The following CHM variants were observed in gnomAD, a reference collection of about 807,000 sequenced individuals.
CHM encodes the protein CHM Rab escort protein.
CHM carries 10 observed loss-of-function variants against 49.0 expected under a neutral mutation model. The ratio of observed to expected loss-of-function variants is 0.20; its 90% CI spans 0.13 to 0.35. The LOEUF (loss-of-function observed/expected upper bound fraction) is 0.35. Ranked by LOEUF, CHM falls within the 10% of genes least tolerant of loss-of-function variation. The pLI is 1.00. For missense variants in CHM, 455 were observed against 478.4 expected (o/e 0.95, Z 0.46); for synonymous variants, 184 against 167.5 (o/e 1.10, Z -0.76).
intron 2 of CHM, among the ~76,000 whole-genome samples, chrX:86,003,059 T>C (rs1324620541): frequency 1.8e-5 from 2 of 111,697 alleles, no homozygotes; most frequent in Non-Finnish European, 3.8e-5. Flanking sequence ...GGCAGCAATA[T>C]TTGTTGTTCT....
At chrX:86,016,104 G>C (rs1933288823) in intron 2 of CHM, among the ~76,000 whole-genome samples, 1 of 111,092 alleles carries the variant, frequency 9.0e-6, no homozygotes, top group African/African-American at 3.3e-5. Context: ...CTGCACTCTG[G>C]CCTAGGAGAC....
intron 11 of CHM, among the ~76,000 whole-genome samples, chrX:85,898,061 G>A (rs1926020171): frequency 9.0e-6 from 1 of 110,813 alleles, no homozygotes; most frequent in Non-Finnish European, 1.9e-5. Flanking sequence ...TGAAAGAGCT[G>A]GAAGGATAGG....
In CHM at chrX:86,009,186, C is replaced by T. The variant is rs780749231; in HGVS notation, c.116+18305G>A. Among the ~76,000 whole-genome samples, 41 of 112,031 alleles carry T rather than the reference C, an allele frequency of 3.7e-4. 1 individual carries two copies. Among genetic ancestry groups the T allele is most frequent in the Non-Finnish European group, 3.2e-4 (17 of 53,185 alleles). Reference sequence around the variant, plus strand: ...ATGATGCCAGGATATGTGCTAACTGCTGTTGTTCTAGATGTGATGGTGAAT... The same window carrying T: ...ATGATGCCAGGATATGTGCTAACTGTTGTTGTTCTAGATGTGATGGTGAAT... On this transcript the variant is annotated intron_variant, in intron 2 of 14. Coordinates refer to ENST00000357749, the MANE Select transcript of CHM (RefSeq NM_000390.4).
At position 85,951,900 on chromosome X, in the gene CHM, T is replaced by C. The variant is rs774368914; in HGVS notation, c.1166+4253A>G. Among the ~76,000 whole-genome samples the C allele has an allele frequency of 3.6e-5, 4 of 112,061 alleles. No homozygotes were observed. In the South Asian group the frequency reaches 1.1e-3, roughly 31 times the overall value. On this transcript the variant is annotated intron_variant, in intron 8 of 14. Coordinates refer to ENST00000357749, the MANE Select transcript of CHM (RefSeq NM_000390.4). ...CACATGGTGTGGAAAGAGAAATCTA[T>C]GCATTTGAGGGAGTGAGAGCATAGC...
chrX:85,961,418 CAAAAAAAA>C (rs1204463688), intron 5 of CHM, among the ~76,000 whole-genome samples: 3 of 24,360 alleles, frequency 1.2e-4, no homozygotes, highest in African/African-American at 4.3e-4. Flanking sequence ...GACTCTGTCT[CAAAAAAAA>C]AAAAAAAAAA....
intron 13 of CHM, among the ~76,000 whole-genome samples, chrX:85,877,255 A>G (rs1256625504): frequency 8.9e-6 from 1 of 111,968 alleles, no homozygotes; most frequent in Non-Finnish European, 1.9e-5. Flanking sequence ...CAAATACTTC[A>G]TTTGGGTAGC....
intron 2 of CHM, among the ~76,000 whole-genome samples, chrX:85,993,964 G>T (rs1932326920): frequency 1.8e-5 from 2 of 112,001 alleles, no homozygotes; most frequent in Non-Finnish European, 3.8e-5. Flanking sequence ...TTGTCATGCT[G>T]TCTTATAATC....
intron 2 of CHM, among the ~76,000 whole-genome samples, chrX:85,998,997 T>C (rs1255183034): frequency 9.0e-6 from 1 of 111,326 alleles, no homozygotes; most frequent in Non-Finnish European, 1.9e-5. Flanking sequence ...AAAAGGTTTT[T>C]TTCAAACCAA....
chrX:85,864,306 T>C lies in CHM; in HGVS notation c.*324A>G. 1 of 198,690 alleles carries C rather than the reference T, an allele frequency of 5.0e-6. No individual in the cohort carries two copies. The highest frequency in any genetic ancestry group is 1.1e-4 in the East Asian group (1 of 9,141). 16.4% of individuals were successfully genotyped at this position (198,690 alleles called of 1,213,427 possible). A position where few individuals can be genotyped will look rare whatever the true frequency, so the allele number is the denominator to read the frequency against. ...CAAAGATCCAAAGTGGTAAGCAAAA[T>C]TGTCCTAAGACCATGGAATTATTAA... On this transcript the variant is annotated 3_prime_UTR_variant, in exon 15 of 15. Coordinates refer to ENST00000357749, the MANE Select transcript of CHM (RefSeq NM_000390.4).
chrX:86,004,289 T>G (rs746486372), intron 2 of CHM, among the ~76,000 whole-genome samples: 1 of 111,768 alleles, frequency 8.9e-6, no homozygotes, highest in African/African-American at 3.2e-5. Flanking sequence ...AAACAACCGG[T>G]ACCAGCCACT....
intron 8 of CHM, among the ~76,000 whole-genome samples, chrX:85,917,492 C>T (rs756535465): frequency 5.4e-5 from 6 of 111,340 alleles, no homozygotes; most frequent in South Asian, 7.6e-4. Flanking sequence ...ACAATTCTGG[C>T]GACCCTAAAA....
At chrX:85,870,421 G>A (rs1923977838) in intron 14 of CHM, among the ~76,000 whole-genome samples, 1 of 112,053 alleles carries the variant, frequency 8.9e-6, no homozygotes, top group African/African-American at 3.2e-5. Flanking sequence ...TATATCAAAC[G>A]TCGTAAGTGA....
intron 4 of CHM, among the ~76,000 whole-genome samples, chrX:85,977,041 T>C (rs987967046): frequency 8.9e-6 from 1 of 112,242 alleles, no homozygotes; most frequent in Non-Finnish European, 1.9e-5. Context: ...GCCCCTTTCA[T>C]ATAATTTCAA....
intron 8 of CHM, among the ~76,000 whole-genome samples, chrX:85,925,755 T>C (rs1222723220): frequency 8.9e-6 from 1 of 112,079 alleles, no homozygotes; most frequent in Non-Finnish European, 1.9e-5. Context: ...GACATCCATT[T>C]TGAATCCAGA....
intron 1 of CHM, among the ~76,000 whole-genome samples, chrX:86,038,843 A>G (rs1041610268): frequency 8.0e-5 from 9 of 112,269 alleles, no homozygotes; most frequent in Non-Finnish European, 1.5e-4. Context: ...TCAGGATTTT[A>G]ATGTCAACAA....
At chrX:85,974,314 G>A (rs1931126554) in intron 4 of CHM, among the ~76,000 whole-genome samples, 1 of 111,429 alleles carries the variant, frequency 9.0e-6, no homozygotes, top group African/African-American at 3.3e-5. Context: ...TAATAAAGAG[G>A]TCAATCCTCC....
chrX:86,037,776 T>C (rs927425179), intron 1 of CHM, among the ~76,000 whole-genome samples: 5 of 111,781 alleles, frequency 4.5e-5, no homozygotes, highest in African/African-American at 1.6e-4. Flanking sequence ...TAAACTATTT[T>C]TTTTAATGAG....
chrX:85,958,585 G>A (rs1020733232), intron 6 of CHM, among the ~76,000 whole-genome samples: 6 of 111,458 alleles, frequency 5.4e-5, no homozygotes, highest in African/African-American at 1.3e-4. Flanking sequence ...TGATTAATGG[G>A]AGAAAAGGAT....
chrX:85,996,700 G>A (rs1191777704), intron 2 of CHM, among the ~76,000 whole-genome samples: 1 of 111,453 alleles, frequency 9.0e-6, no homozygotes, highest in Admixed American at 9.5e-5. Context: ...CACAGGTGCT[G>A]GACAAAGGAA....
Sources: allele counts gnomAD v4.1 joint callset (sites outside exome capture counted in the v4.1 genomes callset), GRCh38; gene constraint gnomAD v4.1.1; transcripts MANE v1.5; gene names NCBI Gene and HGNC (gene_info 2026-07-23, HGNC 2026-07-21).